E2F3: variants seen among roughly 807,000 people sequenced by gnomAD.
E2F3 encodes E2F transcription factor 3.
Under a neutral mutation model 44.4 loss-of-function variants are expected in E2F3, and 11 were observed. The ratio of observed to expected loss-of-function variants is 0.25; its 90% CI spans 0.16 to 0.41. The LOEUF (loss-of-function observed/expected upper bound fraction) is 0.41. E2F3 is among the 10% of genes least tolerant of loss of function. The pLI, the probability that E2F3 is intolerant of heterozygous loss-of-function variation, is 1.00. For synonymous variants in E2F3, 249 were observed against 253.0 expected, an observed-to-expected ratio of 0.98 and a Z score of 0.15; for missense variants, 487 against 583.6, an observed-to-expected ratio of 0.83 and a Z score of 1.70.
At chr6:20,458,384 A>C (rs546135382) in intron 1 of E2F3, among the ~76,000 whole-genome samples, 1 of 152,170 alleles carries the variant, frequency 6.6e-6, no homozygotes, top group East Asian at 1.9e-4. Flanking sequence ...CCTAATCTAT[A>C]AATTAAATAG....
chr6:20,404,099 G>T (rs1004910548), intron 1 of E2F3, among the ~76,000 whole-genome samples: 8 of 142,942 alleles, frequency 5.6e-5, no homozygotes, highest in Non-Finnish European at 8.0e-5. Flanking sequence ...GGATGGATGG[G>T]CGATAGAAAA....
chr6:20,472,313 A>G (rs988570680), intron 1 of E2F3, among the ~76,000 whole-genome samples: 1 of 152,132 alleles, frequency 6.6e-6, no homozygotes, highest in African/African-American at 2.4e-5. Flanking sequence ...GGATGTTGCT[A>G]TGGAAGCAGA....
chr6:20,468,202 A>G (rs1033158509), intron 1 of E2F3, among the ~76,000 whole-genome samples: 11 of 152,206 alleles, frequency 7.2e-5, no homozygotes, highest in Admixed American at 4.6e-4. Context: ...GAAGTGTCAC[A>G]TCACACAGAT....
rs540427987 is a variant in E2F3 at position 20,476,365 on chromosome 6, C to T, written c.394-3481C>T. 7.3e-5 allele frequency among the ~76,000 whole-genome samples: 11 copies of T among 150,412 alleles called. No homozygotes were observed. The South Asian group carries it at 1.7e-3, about 23-fold the overall frequency. Reference sequence around the variant, plus strand: ...CAGCCTGGGTGACAGAGCGAGACTCCGGGTCTCAAAAAAAAAAAATGCTTT... The same window carrying T: ...CAGCCTGGGTGACAGAGCGAGACTCTGGGTCTCAAAAAAAAAAAATGCTTT... On this transcript the variant is annotated intron_variant, in intron 1 of 6. Transcript: ENST00000346618.
intron 1 of E2F3, among the ~76,000 whole-genome samples, chr6:20,426,674 T>G (rs1425477319): frequency 6.6e-6 from 1 of 152,258 alleles, no homozygotes; most frequent in African/African-American, 2.4e-5. Context: ...CTTGTAACCC[T>G]GAAGTGTTGG....
intron 5 of E2F3, among the ~76,000 whole-genome samples, 163 bp downstream of exon 5, chr6:20,486,966 T>C (rs1006747299): frequency 6.6e-6 from 1 of 152,254 alleles, no homozygotes; most frequent in Non-Finnish European, 1.5e-5. Flanking sequence ...TTCAATGGTT[T>C]GATGTTCATT....
intron 1 of E2F3, among the ~76,000 whole-genome samples, chr6:20,428,592 C>T (rs1040955154): frequency 6.6e-6 from 1 of 152,256 alleles, no homozygotes; most frequent in African/African-American, 2.4e-5. Context: ...AAGGGAGCGG[C>T]TGAATGAGAA....
intron 1 of E2F3, among the ~76,000 whole-genome samples, chr6:20,439,791 A>G (rs772274918): frequency 4.6e-5 from 7 of 152,134 alleles, no homozygotes; most frequent in African/African-American, 7.2e-5. Context: ...GCCTCCCAGA[A>G]CATTGGGGTT....
intron 1 of E2F3, among the ~76,000 whole-genome samples, chr6:20,426,015 T>G (rs1194783705): frequency 6.6e-6 from 1 of 152,220 alleles, no homozygotes; most frequent in Admixed American, 6.5e-5. Flanking sequence ...AGTAATCTCA[T>G]TTATTAGGAA....
intron 1 of E2F3, among the ~76,000 whole-genome samples, chr6:20,430,160 C>T (rs1481215912): frequency 2.0e-5 from 3 of 152,144 alleles, no homozygotes; most frequent in Non-Finnish European, 4.4e-5. Flanking sequence ...ATACACGATG[C>T]CAAGTTCAAT....
At chr6:20,433,449 T>G (rs1031348613) in intron 1 of E2F3, among the ~76,000 whole-genome samples, 2 of 152,190 alleles carry the variant, frequency 1.3e-5, no homozygotes, top group African/African-American at 4.8e-5. Context: ...AATTTAGCGT[T>G]TTCTTCTAGT....
rs1042497695 is a variant in E2F3, at chr6:20,402,722, C to G, written c.393+97C>G. ...CGCTGCGGGCCGCTCGGGGAGAGCA[C>G]TGGGCCGAGCATCGTGGGCCTCGGG... On this transcript the variant is annotated intron_variant, in intron 1 of 6. Transcript: ENST00000346618. This position sits in a 1 kb window ranked among gnomAD's most constrained non-coding sequence, Gnocchi z 5.6. 1.3e-4 allele frequency: 165 copies of G among 1,260,804 alleles called. 1 individual carries two copies. In the African/African-American group the frequency reaches 2.2e-3, roughly 17 times the overall value. The allele number at this position is 1,260,804 out of a possible 1,614,324, so 78.1% of individuals were successfully genotyped here.
intron 6 of E2F3, among the ~76,000 whole-genome samples, chr6:20,489,532 A>G (rs1762496864): frequency 6.6e-6 from 1 of 152,166 alleles, no homozygotes; most frequent in Admixed American, 6.5e-5. Context: ...ACTTTTCAGT[A>G]TGTATATATT....
chr6:20,402,232 G>C lies in E2F3; in HGVS notation c.-1G>C. Reference sequence around the variant, plus strand: ...AACACTAAAAAGAGCAGGAGCGAGAGATGAGAAAGGGAATCCAGCCCGCTC... The same window carrying C: ...AACACTAAAAAGAGCAGGAGCGAGACATGAGAAAGGGAATCCAGCCCGCTC... On this transcript the variant is annotated 5_prime_UTR_variant, in exon 1 of 7. Coordinates refer to ENST00000346618, the MANE Select transcript of E2F3 (RefSeq NM_001949.5). This position sits in a 1 kb window ranked among gnomAD's most constrained non-coding sequence, Gnocchi z 5.6. 1 of 1,587,470 alleles carries C rather than the reference G, an allele frequency of 6.3e-7. No individual in the cohort carries two copies. Among genetic ancestry groups the C allele is most frequent in the South Asian group, 1.1e-5 (1 of 87,530 alleles).
At chr6:20,461,730 C>T (rs1477230390) in intron 1 of E2F3, among the ~76,000 whole-genome samples, 1 of 152,168 alleles carries the variant, frequency 6.6e-6, no homozygotes, top group East Asian at 1.9e-4. Flanking sequence ...GTGTTGATAA[C>T]TATAGCCTGG....
chr6:20,468,706 A>G (rs1399898526), intron 1 of E2F3, among the ~76,000 whole-genome samples: 2 of 152,182 alleles, frequency 1.3e-5, no homozygotes, highest in Non-Finnish European at 2.9e-5. Context: ...TCCAGTGACC[A>G]TTGTCCATCC....
intron 1 of E2F3, among the ~76,000 whole-genome samples, chr6:20,458,092 A>G (rs1479833905): frequency 6.6e-6 from 1 of 152,078 alleles, no homozygotes; most frequent in Non-Finnish European, 1.5e-5. Context: ...TTTCTTCTGA[A>G]CCTCAGAGAT....
chr6:20,483,052 T>A, intron 4 of E2F3, 132 bp downstream of exon 4: 1 of 1,338,008 alleles, frequency 7.5e-7, no homozygotes, highest in Non-Finnish European at 1.0e-6. Flanking sequence ...TGCCTGTGTG[T>A]GTATGTGTGT....
chr6:20,457,084 C>T (rs1045480720), intron 1 of E2F3, among the ~76,000 whole-genome samples: 1 of 152,126 alleles, frequency 6.6e-6, no homozygotes, highest in Admixed American at 6.6e-5. Flanking sequence ...CTCCGCACCC[C>T]CTTTGCCTAC....
Sources: gnomAD v4.1 joint callset for allele counts (sites outside exome capture counted in the v4.1 genomes callset) on GRCh38, gnomAD v4.1.1 for gene constraint, Gnocchi (gnomAD v3.1) non-coding constraint, MANE v1.5 for transcripts, NCBI Gene and HGNC (gene_info 2026-07-23, HGNC 2026-07-21) for gene names.